The following DLGAP2 variants were observed in gnomAD, a reference collection of about 807,000 sequenced individuals.
DLGAP2 encodes the protein disks large-associated protein 2.
In DLGAP2, 26 loss-of-function variants were observed where a neutral mutation model predicts 100.3. The observed-to-expected ratio is 0.26, with a 90% confidence interval of 0.19 to 0.36. The LOEUF is 0.36. Ranked by LOEUF, DLGAP2 falls within the 10% of genes least tolerant of loss-of-function variation. The pLI, the probability that DLGAP2 is intolerant of heterozygous loss-of-function variation, is 1.00. For synonymous variants in DLGAP2, 886 were observed against 630.1 expected, an observed-to-expected ratio of 1.41 and a Z score of -6.08; for missense variants, 1,858 against 1,453.2, an observed-to-expected ratio of 1.28 and a Z score of -4.53.
chr8:1,521,970 G>T (rs959896840), intron 4 of DLGAP2, among the ~76,000 whole-genome samples: 8 of 146,444 alleles, frequency 5.5e-5, no homozygotes, highest in Non-Finnish European at 6.0e-5. Context: ...AGCTGATATG[G>T]GGCGTCTCTG....
At chr8:848,414 C>G (rs1797113315) in intron 1 of DLGAP2, among the ~76,000 whole-genome samples, 1 of 96,098 alleles carries the variant, frequency 1.0e-5, no homozygotes, top group Non-Finnish European at 2.2e-5. Flanking sequence ...TCGTGCGGTG[C>G]CTGTTCCAGT....
chr8:1,451,582 C>T (rs942235654), intron 3 of DLGAP2, among the ~76,000 whole-genome samples: 2 of 152,250 alleles, frequency 1.3e-5, no homozygotes, highest in Non-Finnish European at 2.9e-5. Flanking sequence ...TCCGAGGTAC[C>T]TGTTCCGCCT....
chr8:782,411 T>C (rs1182222188), intron 1 of DLGAP2, among the ~76,000 whole-genome samples: 1 of 152,166 alleles, frequency 6.6e-6, no homozygotes, highest in Non-Finnish European at 1.5e-5. Flanking sequence ...ACTCTCTCAC[T>C]AGGCCATCAA....
At chr8:1,280,360 A>T (rs1190137886) in intron 3 of DLGAP2, among the ~76,000 whole-genome samples, 1 of 152,228 alleles carries the variant, frequency 6.6e-6, no homozygotes, top group African/African-American at 2.4e-5. Flanking sequence ...TTAACTGAGG[A>T]AAATTTTCTG....
In DLGAP2 at chr8:1,549,668, G is replaced by A. The variant is rs373198112; in HGVS notation, c.1215G>A (p.Pro405=). ...AGGACGCCAAGCCCGCCCTGAGGCC[G>A]TGCCACTACCTCCAGGTAAGCAGGC... is the stretch of plus-strand genomic sequence containing the variant. ...LHQDAKPALR[P]CHYLQVPQDE... Residue 405 remains proline, a synonymous_variant, in exon 5 of 15, where the codon CCG becomes CCA. Coordinates refer to ENST00000637795, the MANE Select transcript of DLGAP2 (RefSeq NM_001346810.2). 5.2e-5 allele frequency: 81 copies of A among 1,553,354 alleles called. No individual in the cohort carries two copies. The African/African-American group carries it at 9.4e-4, about 18-fold the overall frequency.
chr8:1,169,106 C>G (rs1384226811), intron 2 of DLGAP2, among the ~76,000 whole-genome samples: 1 of 149,480 alleles, frequency 6.7e-6, no homozygotes, highest in Non-Finnish European at 1.5e-5. Context: ...ATATGGCTAG[C>G]CAGTTTTCCC....
intron 2 of DLGAP2, among the ~76,000 whole-genome samples, chr8:1,061,843 C>T (rs1356378367): frequency 1.3e-5 from 2 of 152,072 alleles, no homozygotes; most frequent in African/African-American, 4.8e-5. Flanking sequence ...CACGAGACGT[C>T]GCTGGGAGGA....
At chr8:1,463,490 A>C (rs550515450) in intron 3 of DLGAP2, among the ~76,000 whole-genome samples, 6 of 152,342 alleles carry the variant, frequency 3.9e-5, no homozygotes, top group African/African-American at 1.4e-4. Flanking sequence ...AGCCAGGGTC[A>C]GGCAGCCTCG....
intron 3 of DLGAP2, among the ~76,000 whole-genome samples, chr8:1,323,065 C>G (rs1800942787): frequency 6.7e-6 from 1 of 150,344 alleles, no homozygotes; most frequent in Non-Finnish European, 1.5e-5. Context: ...GAGTCTCGCT[C>G]TGTTACCCAG....
intron 1 of DLGAP2, among the ~76,000 whole-genome samples, chr8:816,061 G>A (rs7463693): frequency 0.26 from 39,023 of 151,996 alleles, 5,554 homozygotes; most frequent in African/African-American, 0.38. Context: ...TTTGCATGGA[G>A]TATTTCTTCC....
At chr8:1,587,978 A>T (rs1257802237) in intron 6 of DLGAP2, among the ~76,000 whole-genome samples, 1 of 152,194 alleles carries the variant, frequency 6.6e-6, no homozygotes, top group Non-Finnish European at 1.5e-5. Flanking sequence ...TGTAACTGTG[A>T]CACGTGCATT....
At chr8:770,266 C>T (rs539183863) in intron 1 of DLGAP2, among the ~76,000 whole-genome samples, 32 of 152,152 alleles carry the variant, frequency 2.1e-4, no homozygotes, top group Admixed American at 1.0e-3. Flanking sequence ...GCGTGCGTGG[C>T]GTGCGTGGCT....
intron 1 of DLGAP2, among the ~76,000 whole-genome samples, chr8:812,631 A>G (rs899921220): frequency 2.0e-5 from 3 of 152,202 alleles, no homozygotes; most frequent in Non-Finnish European, 1.5e-5. Flanking sequence ...TTATAGAGTA[A>G]TATATTATAA....
chr8:1,516,583 G>A (rs1800397310), intron 4 of DLGAP2, among the ~76,000 whole-genome samples: 1 of 151,360 alleles, frequency 6.6e-6, no homozygotes, highest in East Asian at 2.0e-4. Flanking sequence ...GCGTGAATGA[G>A]TGAGTGAATG....
intron 3 of DLGAP2, chr8:1,301,890 C>G (rs1800351865): frequency 6.6e-6 from 1 of 152,346 alleles, no homozygotes; most frequent in Non-Finnish European, 1.5e-5. Flanking sequence ...ACGACATTTG[C>G]CGCAAGGGTT....
chr8:1,094,880 C>G (rs1221102104), intron 2 of DLGAP2, among the ~76,000 whole-genome samples: 1 of 152,198 alleles, frequency 6.6e-6, no homozygotes, highest in Non-Finnish European at 1.5e-5. Context: ...GCGAGTGTTT[C>G]CTTTTCTTTG....
At chr8:863,003 T>C (rs1797421826) in intron 1 of DLGAP2, among the ~76,000 whole-genome samples, 1 of 152,230 alleles carries the variant, frequency 6.6e-6, no homozygotes, top group Non-Finnish European at 1.5e-5. Flanking sequence ...AATACAGATA[T>C]GAATATGGCA....
intron 3 of DLGAP2, among the ~76,000 whole-genome samples, chr8:1,383,012 G>A (rs988775398): frequency 2.0e-5 from 3 of 152,116 alleles, no homozygotes; most frequent in Non-Finnish European, 2.9e-5. Flanking sequence ...TAGCATATGC[G>A]GTGTCATCTT....
intron 3 of DLGAP2, among the ~76,000 whole-genome samples, chr8:1,410,585 C>G (rs1796700709): frequency 2.6e-5 from 4 of 152,256 alleles, no homozygotes; most frequent in Admixed American, 2.6e-4. Flanking sequence ...CAGCTCCCTT[C>G]TCAGAATGAA....
Sources: allele counts gnomAD v4.1 joint callset (sites outside exome capture counted in the v4.1 genomes callset), GRCh38; gene constraint gnomAD v4.1.1; transcripts MANE v1.5; gene names NCBI Gene and HGNC (gene_info 2026-07-23, HGNC 2026-07-21).